CCDC88C: variants seen among roughly 807,000 people sequenced by gnomAD.
The protein encoded by CCDC88C is protein Daple.
A neutral mutation model predicts 198.8 loss-of-function variants in CCDC88C; 131 were observed. The ratio of observed to expected loss-of-function variants is 0.66; its 90% CI spans 0.57 to 0.76. CCDC88C has a LOEUF of 0.76. CCDC88C is among the 30% of genes least tolerant of loss of function. The pLI is 0.00. For missense variants in CCDC88C, 2,553 were observed against 2,631.6 expected (o/e 0.97, Z 0.65); for synonymous variants, 1,166 against 1,114.7 (o/e 1.05, Z -0.92).
At chr14:91,403,306 CCAA>C (rs1662848210) in intron 3 of CCDC88C, among the ~76,000 whole-genome samples, 1 of 152,196 alleles carries the variant, frequency 6.6e-6, no homozygotes, top group Non-Finnish European at 1.5e-5. Flanking sequence ...ACATACGTCT[CCAA>C]CAACACACAG....
Position 91,338,289 on chromosome 14 carries a change from G to T in CCDC88C, c.892-126C>A. On this transcript the variant is annotated intron_variant, in intron 9 of 29. Coordinates refer to ENST00000389857, the MANE Select transcript of CCDC88C (RefSeq NM_001080414.4). The surrounding 1 kb of genome is among the most constrained non-coding windows in gnomAD (Gnocchi z 4.8). ...GACAAGCCAGCTCCTGGTGGCCGGG[G>T]GCCTCCATGTGCCACCACCACACGG... 8.3e-7 allele frequency: 1 copy of T among 1,212,100 alleles called. No individual in the cohort carries two copies. The highest frequency in any genetic ancestry group is 1.4e-5 in the South Asian group (1 of 69,218). The allele number at this position is 1,212,100 out of a possible 1,614,324, so 75.1% of individuals were successfully genotyped here. A position where few individuals can be genotyped will look rare whatever the true frequency, so the allele number is the denominator to read the frequency against.
Position 91,417,778 on chromosome 14 carries a change from G to A in CCDC88C, c.-88C>T. 1.0e-6 allele frequency: 1 copy of A among 965,886 alleles called. No homozygotes were observed. The highest frequency in any genetic ancestry group is 1.3e-6 in the Non-Finnish European group (1 of 752,964). 59.8% of individuals were successfully genotyped at this position (965,886 alleles called of 1,614,324 possible). A position where few individuals can be genotyped will look rare whatever the true frequency, so the allele number is the denominator to read the frequency against. Reference sequence around the variant, plus strand: ...GCACAAAACGGCTCCGCAGCGAGCAGCGGGCGCGGGGCTGCGGCGGCTCGC... The same window carrying A: ...GCACAAAACGGCTCCGCAGCGAGCAACGGGCGCGGGGCTGCGGCGGCTCGC... On this transcript the variant is annotated 5_prime_UTR_variant, in exon 1 of 30. Transcript: ENST00000389857.
chr14:91,281,792 T>G (rs1890209400), intron 26 of CCDC88C, among the ~76,000 whole-genome samples: 1 of 152,166 alleles, frequency 6.6e-6, no homozygotes, highest in South Asian at 2.1e-4. Flanking sequence ...AAAGGCGTGT[T>G]CTGGCCTAAG....
chr14:91,339,510 C>T lies in CCDC88C; in HGVS notation c.625-48G>A, dbSNP rs373359073. On this transcript the variant is annotated intron_variant, in intron 7 of 29. Transcript: ENST00000389857. This position sits in a 1 kb window ranked among gnomAD's most constrained non-coding sequence, Gnocchi z 5.8. ...ATGGAGGAGAACAAACGGGGTTAAC[C>T]AGCACAACGCCTGAGCTTGAACAGG... 5.0e-5 allele frequency: 77 copies of T among 1,536,716 alleles called. No individual in the cohort carries two copies. The highest frequency in any genetic ancestry group is 6.3e-5 in the Non-Finnish European group (71 of 1,129,730).
intron 3 of CCDC88C, among the ~76,000 whole-genome samples, chr14:91,375,516 G>T (rs1884351198): frequency 6.6e-6 from 1 of 152,154 alleles, no homozygotes; most frequent in African/African-American, 2.4e-5. Context: ...CGGAATCAAA[G>T]AGCGTTTTCG....
intron 3 of CCDC88C, 102 bp from the exon 4 acceptor site, chr14:91,359,813 G>A (rs1894222823): frequency 4.9e-6 from 5 of 1,021,106 alleles, no homozygotes; most frequent in South Asian, 4.1e-5. Flanking sequence ...CGGGTGCACA[G>A]CCATCCCGTG....
In CCDC88C at chr14:91,280,802, CTG is replaced by C. The variant is rs568277452; in HGVS notation, c.4699+653_4699+654del. On this transcript the variant is annotated intron_variant, in intron 27 of 29. Coordinates refer to ENST00000389857, the MANE Select transcript of CCDC88C (RefSeq NM_001080414.4). ...TACAGTTCTTTACTCAAGTAGAAGA[CTG>C]TAAGAATGTCATCAAGCTTTTTAGA... 6.1e-4 allele frequency among the ~76,000 whole-genome samples: 92 copies of C among 152,046 alleles called. 1 individual carries two copies. Among genetic ancestry groups the C allele is most frequent in the African/African-American group, 2.2e-3 (91 of 41,492 alleles).
chr14:91,392,486 A>C (rs181826718), intron 3 of CCDC88C, among the ~76,000 whole-genome samples: 1 of 152,096 alleles, frequency 6.6e-6, no homozygotes, highest in African/African-American at 2.4e-5. Flanking sequence ...CACATTTCCA[A>C]TTCCTTTCTG....
chr14:91,401,046 T>G (rs12590074), intron 3 of CCDC88C, among the ~76,000 whole-genome samples: 23,385 of 151,046 alleles, frequency 0.15, 2,067 homozygotes, highest in Admixed American at 0.21. Context: ...GGAAAAGCTT[T>G]CTCACTGCCT....
rs2139731342 is a variant in CCDC88C, at chr14:91,284,713, T to G, written c.4442-1196A>C. 6.6e-6 allele frequency among the ~76,000 whole-genome samples: 1 copy of G among 152,376 alleles called. No individual in the cohort carries two copies. The highest frequency in any genetic ancestry group is 1.9e-4 in the East Asian group (1 of 5,194). On this transcript the variant is annotated intron_variant, in intron 25 of 29. Coordinates refer to ENST00000389857, the MANE Select transcript of CCDC88C (RefSeq NM_001080414.4). The surrounding 1 kb of genome is among the most constrained non-coding windows in gnomAD (Gnocchi z 4.1). ...TCATATTTTAGTAATTATGTGTTTA[T>G]TCTTATGATTACCTTGTTTTTATGA...
intron 3 of CCDC88C, among the ~76,000 whole-genome samples, chr14:91,376,000 C>T (rs1884388451): frequency 6.6e-6 from 1 of 152,152 alleles, no homozygotes; most frequent in Non-Finnish European, 1.5e-5. Flanking sequence ...ACCTTCCAGC[C>T]CCGCGAGTTC....
chr14:91,347,059 G>A (rs1403819455), intron 4 of CCDC88C, among the ~76,000 whole-genome samples: 1 of 152,094 alleles, frequency 6.6e-6, no homozygotes, highest in Non-Finnish European at 1.5e-5. Context: ...TGCCCATGCT[G>A]GATATAAGAG....
chr14:91,289,594 G>C (rs1242964779), intron 24 of CCDC88C, among the ~76,000 whole-genome samples: 2 of 152,196 alleles, frequency 1.3e-5, no homozygotes, highest in Non-Finnish European at 2.9e-5. Flanking sequence ...ATCCACTCTA[G>C]TCTCCCAGGA....
At chr14:91,406,196 C>A (rs915561277) in intron 3 of CCDC88C, among the ~76,000 whole-genome samples, 9 of 152,242 alleles carry the variant, frequency 5.9e-5, no homozygotes, top group African/African-American at 2.2e-4. Context: ...TTTTGCCCGG[C>A]CCAGAGCTGG....
chr14:91,392,785 ACCCCTCACTCTCACTGAGC>A (rs1207483358), intron 3 of CCDC88C, among the ~76,000 whole-genome samples: 189 of 147,414 alleles, frequency 1.3e-3, no homozygotes, highest in African/African-American at 4.7e-3. Context: ...CTCTCACTGC[ACCCCTCACTCTCACTGAGC>A]CCCCTCACTG....
At chr14:91,364,486 G>C (rs1314281782) in intron 3 of CCDC88C, among the ~76,000 whole-genome samples, 1 of 152,184 alleles carries the variant, frequency 6.6e-6, no homozygotes, top group Non-Finnish European at 1.5e-5. Flanking sequence ...GGGGCCACTG[G>C]TGTCCCTAGG....
At chr14:91,348,509 AAAAC>A (rs1307765994) in intron 4 of CCDC88C, among the ~76,000 whole-genome samples, 1 of 151,940 alleles carries the variant, frequency 6.6e-6, no homozygotes, top group Non-Finnish European at 1.5e-5. Context: ...AAACACCACA[AAAAC>A]AAACAACACT....
chr14:91,417,372 G>A lies in CCDC88C; in HGVS notation c.60+259C>T, dbSNP rs1047789375. On this transcript the variant is annotated intron_variant, in intron 1 of 29. Coordinates refer to ENST00000389857, the MANE Select transcript of CCDC88C (RefSeq NM_001080414.4). Reference sequence around the variant, plus strand: ...CCAGCCTAGAGCCCCAGCGGGAACAGGTGTACCCGCCCGGCTCCTGGCCCG... The same window carrying A: ...CCAGCCTAGAGCCCCAGCGGGAACAAGTGTACCCGCCCGGCTCCTGGCCCG... 1.1e-4 allele frequency: 65 copies of A among 589,564 alleles called. No homozygotes were observed. The East Asian group carries it at 1.9e-3, about 17-fold the overall frequency. The allele number at this position is 589,564 out of a possible 1,614,324, so 36.5% of individuals were successfully genotyped here. A position where few individuals can be genotyped will look rare whatever the true frequency, so the allele number is the denominator to read the frequency against.
chr14:91,377,590 AGG>A (rs1409745744), intron 3 of CCDC88C, among the ~76,000 whole-genome samples: 1 of 152,158 alleles, frequency 6.6e-6, no homozygotes, highest in Non-Finnish European at 1.5e-5. Context: ...TTTAACCCAC[AGG>A]ATTCACAGTA....
Sources: gnomAD v4.1 joint callset for allele counts (sites outside exome capture counted in the v4.1 genomes callset) on GRCh38, gnomAD v4.1.1 for gene constraint, Gnocchi (gnomAD v3.1) non-coding constraint, MANE v1.5 for transcripts, NCBI Gene and HGNC (gene_info 2026-07-23, HGNC 2026-07-21) for gene names.